SPON2: variants seen among roughly 807,000 people sequenced by gnomAD.
SPON2 encodes spondin 2, also known as spondin-2.
SPON2 carries 32 observed loss-of-function variants against 29.9 expected under a neutral mutation model. The observed-to-expected ratio is 1.07, with a 90% CI of 0.81 to 1.44. SPON2 has a LOEUF of 1.44. Ranked by LOEUF, SPON2 falls within the 40% of genes most tolerant of loss-of-function variation. SPON2 has a pLI of 0.00. For synonymous variants in SPON2, 248 were observed against 209.1 expected (o/e 1.19, Z -1.61); for missense variants, 541 against 455.5 (o/e 1.19, Z -1.71).
upstream of SPON2, among the ~76,000 whole-genome samples, chr4:1,177,043 A>G (rs993229123): frequency 1.3e-5 from 2 of 152,226 alleles, no homozygotes; most frequent in African/African-American, 2.4e-5. Context: ...TAAAGTGTTT[A>G]GTGAATTGGT....
chr4:1,176,724 A>G (rs1406971403), upstream of SPON2, among the ~76,000 whole-genome samples: 1 of 152,112 alleles, frequency 6.6e-6, no homozygotes, highest in East Asian at 1.9e-4. Context: ...CACACAGTAC[A>G]TTGATTCACA....
intron 5 of SPON2, 37 bp from the exon 6 acceptor site, chr4:1,167,693 G>C (rs1204058735): frequency 6.5e-7 from 1 of 1,539,638 alleles, no homozygotes; most frequent in Admixed American, 2.0e-5. Flanking sequence ...GTGAACGCTC[G>C]CGTGAAGAGG....
chr4:1,195,525 G>A (rs1048816560), upstream of SPON2, among the ~76,000 whole-genome samples: 17 of 150,524 alleles, frequency 1.1e-4, no homozygotes, highest in Non-Finnish European at 2.4e-4. Flanking sequence ...GAGGTTGGGC[G>A]GATGGGGGCT....
upstream of SPON2, among the ~76,000 whole-genome samples, chr4:1,197,667 G>C (rs1268129397): frequency 6.7e-6 from 1 of 149,292 alleles, no homozygotes; most frequent in East Asian, 2.0e-4. Flanking sequence ...TTAATGAGTA[G>C]AAAACAAATA....
intron 5 of SPON2, among the ~76,000 whole-genome samples, chr4:1,168,693 G>T (rs1370806024): frequency 6.6e-6 from 1 of 152,250 alleles, no homozygotes; most frequent in Non-Finnish European, 1.5e-5. Flanking sequence ...GGTGGTGGGA[G>T]CGCCCCTGCC....
intron 1 of SPON2, among the ~76,000 whole-genome samples, chr4:1,190,692 A>G (rs375942357): frequency 2.0e-5 from 3 of 152,248 alleles, no homozygotes; most frequent in African/African-American, 7.2e-5. Flanking sequence ...TGCAGATGAC[A>G]TGATTTCATG....
intron 5 of SPON2, among the ~76,000 whole-genome samples, chr4:1,168,958 C>T (rs780836643): frequency 2.0e-5 from 3 of 152,180 alleles, no homozygotes; most frequent in Admixed American, 1.3e-4. Flanking sequence ...CCCTTGTGGG[C>T]GGTGGTCTGT....
chr4:1,207,585 G>GCACCTAACCTTATATTGTTCAAGT (rs1728374467), intron 1 of SPON2, among the ~76,000 whole-genome samples: 5 of 150,784 alleles, frequency 3.3e-5, no homozygotes, highest in South Asian at 2.1e-4. Flanking sequence ...GCTTACACAT[G>GCACCTAACCTTATATTGTTCAAGT]CTCCAGAGGG....
intron 1 of SPON2, among the ~76,000 whole-genome samples, chr4:1,207,015 G>A (rs1728358583): frequency 6.6e-6 from 1 of 151,838 alleles, no homozygotes; most frequent in Admixed American, 6.6e-5. Flanking sequence ...GGGAGTGGAT[G>A]GGGTTAGGTG....
At chr4:1,205,227 G>T (rs1221291700) in intron 1 of SPON2, 2 of 152,450 alleles carry the variant, frequency 1.3e-5, no homozygotes, top group East Asian at 3.9e-4. Flanking sequence ...GACAGGAACT[G>T]GCTGTGGGTG....
Position 1,167,470 on chromosome 4 carries a change from T to C in SPON2, c.*2A>G. The C allele has an allele frequency of 3.1e-6, 5 of 1,612,116 alleles. No homozygotes were observed. The highest frequency in any genetic ancestry group is 4.2e-6 in the Non-Finnish European group (5 of 1,179,192). ...GGCCCCAGGGGCTGCGGGGCTCTGG[T>C]CTTAGACGCAGTTATCAGGGACGCA... On this transcript the variant is annotated 3_prime_UTR_variant, in exon 6 of 6. Transcript: ENST00000290902.
At chr4:1,170,900 G>T in intron 4 of SPON2, 99 bp downstream of exon 4, 1 of 1,458,402 alleles carries the variant, frequency 6.9e-7, no homozygotes, top group Non-Finnish European at 9.4e-7. Context: ...AGCCGCAAGC[G>T]GCTGTCCTGG....
upstream of SPON2, among the ~76,000 whole-genome samples, chr4:1,176,272 T>C (rs183060179): frequency 3.9e-5 from 6 of 152,218 alleles, no homozygotes; most frequent in African/African-American, 1.4e-4. Context: ...AGGATAAGTA[T>C]CCATAGGTGT....
intron 1 of SPON2, among the ~76,000 whole-genome samples, chr4:1,206,737 G>A (rs1431811024): frequency 6.6e-6 from 1 of 152,202 alleles, no homozygotes; most frequent in African/African-American, 2.4e-5. Flanking sequence ...CCCTCAGGGG[G>A]CAGAAGAGCC....
chr4:1,206,111 G>C (rs1241633285), intron 1 of SPON2, among the ~76,000 whole-genome samples: 2 of 152,188 alleles, frequency 1.3e-5, no homozygotes, highest in Admixed American at 6.5e-5. Context: ...CTGGTACTGG[G>C]CTGGGGGCTG....
At chr4:1,176,572 GCATCCATTCACACAGTACATTCAAT>G (rs34927793), upstream of SPON2, among the ~76,000 whole-genome samples, 23,473 of 126,600 alleles carry the variant, frequency 0.19, 2,308 homozygotes, top group African/African-American at 0.32. Context: ...ATTCATTCAA[GCATCCATTCACACAGTACATTCAAT>G]CATCCATTCA....
At chr4:1,204,448 T>G (rs1393134497) in intron 1 of SPON2, among the ~76,000 whole-genome samples, 2 of 152,204 alleles carry the variant, frequency 1.3e-5, no homozygotes, top group Non-Finnish European at 2.9e-5. Context: ...ACACAGCCTC[T>G]CACTGATTCA....
intron 1 of SPON2, among the ~76,000 whole-genome samples, chr4:1,186,202 C>T (rs992372873): frequency 1.3e-5 from 2 of 150,286 alleles, no homozygotes; most frequent in South Asian, 2.1e-4. Context: ...TGAGATCGGG[C>T]CACTATACTC....
At chr4:1,170,821 G>A (rs1727410694) in intron 4 of SPON2, 178 bp downstream of exon 4, 1 of 1,024,578 alleles carries the variant, frequency 9.8e-7, no homozygotes, top group Admixed American at 2.0e-5. Flanking sequence ...CCCCGGGTTG[G>A]GAGAGTATGG....
Sources: allele counts gnomAD v4.1 joint callset (sites outside exome capture counted in the v4.1 genomes callset), GRCh38; gene constraint gnomAD v4.1.1; transcripts MANE v1.5; gene names NCBI Gene and HGNC (gene_info 2026-07-23, HGNC 2026-07-21).